The following REDIC1 variants were observed in gnomAD, a reference collection of about 807,000 sequenced individuals.
The protein encoded by REDIC1 is HEI10 Interacting Protein 1.
the REDIC1 span, among the ~76,000 whole-genome samples, chr12:39,637,107 C>T: frequency 5.3e-5 from 8 of 151,766 alleles, no homozygotes; most frequent in Admixed American, 5.3e-4. Context: ...CCTCCCTTCT[C>T]TCCTTTAACC....
At chr12:39,634,940 GA>G in the REDIC1 span, among the ~76,000 whole-genome samples, 2 of 149,636 alleles carry the variant, frequency 1.3e-5, no homozygotes, top group South Asian at 2.1e-4. Flanking sequence ...AAATTTACAA[GA>G]AAAAAAAACA....
the REDIC1 span, among the ~76,000 whole-genome samples, chr12:39,679,899 C>T: frequency 6.6e-6 from 1 of 152,126 alleles, no homozygotes; most frequent in Non-Finnish European, 1.5e-5. Flanking sequence ...GGAAAGAATA[C>T]CCTATTCAAC....
At chr12:39,640,894 G>A in the REDIC1 span, 3 of 1,184,478 alleles carry the variant, frequency 2.5e-6, no homozygotes, top group Non-Finnish European at 3.7e-6. Context: ...AGCTAAACTG[G>A]CAGTTGTCTT....
chr12:39,868,223 G>C, the REDIC1 span, among the ~76,000 whole-genome samples: 10 of 152,152 alleles, frequency 6.6e-5, no homozygotes, highest in Admixed American at 6.5e-4. Context: ...TATGTTTCAA[G>C]AGAAGAGTCT....
the REDIC1 span, among the ~76,000 whole-genome samples, chr12:39,668,615 G>T: frequency 6.6e-6 from 1 of 152,146 alleles, no homozygotes; most frequent in Non-Finnish European, 1.5e-5. Flanking sequence ...TTGCTAGACT[G>T]GGGAGGTTCT....
the REDIC1 span, among the ~76,000 whole-genome samples, chr12:39,792,954 T>C: frequency 6.6e-6 from 1 of 152,164 alleles, no homozygotes; most frequent in Admixed American, 6.6e-5. Flanking sequence ...GAACTTTAAG[T>C]AGGCATATAT....
the REDIC1 span, among the ~76,000 whole-genome samples, chr12:39,899,349 C>T: frequency 0.024 from 3,649 of 152,114 alleles, 124 homozygotes; most frequent in African/African-American, 0.082. Flanking sequence ...ATTTTTATTG[C>T]ATCTATTTGA....
the REDIC1 span, among the ~76,000 whole-genome samples, chr12:39,899,994 G>C: frequency 6.6e-6 from 1 of 150,718 alleles, no homozygotes; most frequent in African/African-American, 2.4e-5. Flanking sequence ...TATCCACCAT[G>C]ATCAAGTGGG....
At chr12:39,667,383 G>A in the REDIC1 span, among the ~76,000 whole-genome samples, 1 of 152,210 alleles carries the variant, frequency 6.6e-6, no homozygotes, top group Non-Finnish European at 1.5e-5. Flanking sequence ...GGTTTTGAGT[G>A]AGTTTCTTAA....
chr12:39,675,386 C>G, the REDIC1 span, among the ~76,000 whole-genome samples: 1 of 152,108 alleles, frequency 6.6e-6, no homozygotes, highest in Non-Finnish European at 1.5e-5. Flanking sequence ...ATGGCCCCAC[C>G]TATTGCTTGA....
At chr12:39,691,914 A>C in the REDIC1 span, 6 of 760,708 alleles carry the variant, frequency 7.9e-6, no homozygotes, top group South Asian at 1.8e-4. Context: ...TTTGTGGTTT[A>C]AAAATAAACC....
the REDIC1 span, among the ~76,000 whole-genome samples, chr12:39,631,418 C>T: frequency 2.0e-5 from 3 of 151,328 alleles, no homozygotes; most frequent in East Asian, 1.9e-4. Flanking sequence ...AATATTGTGA[C>T]TAGTACAAAG....
the REDIC1 span, among the ~76,000 whole-genome samples, chr12:39,894,533 G>T: frequency 6.6e-6 from 1 of 152,188 alleles, no homozygotes; most frequent in East Asian, 1.9e-4. Context: ...CTGCTGAATT[G>T]ATTTAGCTTG....
At chr12:39,703,756 A>G in the REDIC1 span, among the ~76,000 whole-genome samples, 785 of 152,268 alleles carry the variant, frequency 5.2e-3, 3 homozygotes, top group Non-Finnish European at 7.4e-3. Context: ...AACAGAACAG[A>G]GCCCTCAGTA....
chr12:39,690,683 CAGAT>C, the REDIC1 span, among the ~76,000 whole-genome samples: 2 of 151,852 alleles, frequency 1.3e-5, no homozygotes, highest in East Asian at 1.9e-4. Flanking sequence ...TGAAAGCAAA[CAGAT>C]AGCAAAATAC....
the REDIC1 span, among the ~76,000 whole-genome samples, chr12:39,638,466 A>G: frequency 1.8e-3 from 276 of 152,144 alleles, no homozygotes; most frequent in African/African-American, 6.1e-3. Flanking sequence ...TGTTCTTGCC[A>G]TTTGACAAGC....
the REDIC1 span, among the ~76,000 whole-genome samples, chr12:39,801,012 C>T: frequency 1.1e-4 from 2 of 18,356 alleles, no homozygotes; most frequent in Non-Finnish European, 2.4e-4. Flanking sequence ...AACCAAACAC[C>T]GCATATTCTC....
the REDIC1 span, among the ~76,000 whole-genome samples, chr12:39,638,250 C>T: frequency 3.4e-4 from 51 of 152,128 alleles, no homozygotes; most frequent in Non-Finnish European, 5.7e-4. Context: ...ACAGGGACTG[C>T]AGTGCATCTG....
chr12:39,706,927 C>T, the REDIC1 span, among the ~76,000 whole-genome samples: 1 of 151,772 alleles, frequency 6.6e-6, no homozygotes, highest in African/African-American at 2.4e-5. Flanking sequence ...AAGGAAATTC[C>T]CCAGGACATT....
Sources: gnomAD v4.1 joint callset for allele counts (sites outside exome capture counted in the v4.1 genomes callset) on GRCh38, gnomAD v4.1.1 for gene constraint, MANE v1.5 for transcripts, NCBI Gene and HGNC (gene_info 2026-07-23, HGNC 2026-07-21) for gene names.